The following SSR3 variants were observed in gnomAD, a reference collection of about 807,000 sequenced individuals.
SSR3 encodes the protein signal sequence receptor subunit 3.
Under a neutral mutation model 22.1 loss-of-function variants are expected in SSR3, and 10 were observed. The observed-to-expected ratio is 0.45, with a 90% confidence interval of 0.28 to 0.77. The LOEUF (loss-of-function observed/expected upper bound fraction) is 0.77. SSR3 is among the 30% of genes least tolerant of loss of function. SSR3 has a pLI of 0.13. For synonymous variants in SSR3, 104 were observed against 82.5 expected (o/e 1.26, Z -1.42); for missense variants, 181 against 220.5 (o/e 0.82, Z 1.13).
intron 2 of SSR3, among the ~76,000 whole-genome samples, chr3:156,549,913 A>G (rs1719890416): frequency 6.6e-6 from 1 of 152,192 alleles, no homozygotes; most frequent in Non-Finnish European, 1.5e-5. Flanking sequence ...TTTTTAAGAG[A>G]CACTTTAGGA....
chr3:156,544,690 G>C (rs573540155), intron 3 of SSR3, among the ~76,000 whole-genome samples: 2 of 152,288 alleles, frequency 1.3e-5, no homozygotes, highest in Admixed American at 6.5e-5. Flanking sequence ...CAGGGTTATG[G>C]AAGAAAGGAC....
intron 2 of SSR3, among the ~76,000 whole-genome samples, chr3:156,553,187 G>A (rs1362346685): frequency 6.6e-6 from 1 of 152,186 alleles, no homozygotes; most frequent in Non-Finnish European, 1.5e-5. Flanking sequence ...AGCCTGGGAA[G>A]GTTGAGGCTG....
At chr3:156,551,348 GAGTCTC>G (rs1235839696) in intron 2 of SSR3, 1 of 152,100 alleles carries the variant, frequency 6.6e-6, no homozygotes, top group Non-Finnish European at 1.5e-5. Flanking sequence ...AAAGAATGAC[GAGTCTC>G]AAAGGGACTG....
chr3:156,544,088 G>C (rs1719669000), intron 4 of SSR3: 4 of 414,932 alleles, frequency 9.6e-6, no homozygotes, highest in Non-Finnish European at 1.7e-5. Context: ...AGACTACTTT[G>C]TAATACTTTA....
At chr3:156,554,397 G>A (rs1302010533) in intron 1 of SSR3, among the ~76,000 whole-genome samples, 3 of 152,158 alleles carry the variant, frequency 2.0e-5, no homozygotes, top group Admixed American at 2.0e-4. Context: ...TCTAGAATTG[G>A]TCCAGTAGGA....
At chr3:156,549,707 G>A (rs539840747) in intron 2 of SSR3, among the ~76,000 whole-genome samples, 159 of 152,126 alleles carry the variant, frequency 1.0e-3, no homozygotes, top group Non-Finnish European at 2.1e-3. Flanking sequence ...AAAAGAAAAC[G>A]TTTAGTCAGT....
chr3:156,549,778 A>C (rs540668266), intron 2 of SSR3, among the ~76,000 whole-genome samples: 2 of 152,278 alleles, frequency 1.3e-5, no homozygotes, highest in East Asian at 1.9e-4. Flanking sequence ...GTTACCCCAC[A>C]CAAATTGGTA....
chr3:156,553,706 G>A lies in SSR3; in HGVS notation c.209C>T (p.Thr70Ile), dbSNP rs549968457. The A allele has an allele frequency of 6.2e-7, 1 of 1,612,596 alleles. No homozygotes were observed. The highest frequency in any genetic ancestry group is 1.3e-5 in the African/African-American group (1 of 74,988). ...CTTGTATGCAAAGGCTACCAAATAT[G>A]TGCTTACTAGGGTCATCACACTATA... is the stretch of plus-strand genomic sequence containing the variant. ...VLYSVMTLVS[T>I]YLVAFAYKNV... The change falls in exon 2 of 5, where the codon ACA becomes ATA. Residue 70 changes from threonine to isoleucine, a missense_variant. Transcript: ENST00000265044.
In SSR3 at chr3:156,540,596, ACG is replaced by A. The variant is rs1360411419; in HGVS notation, c.*2605_*2606del. ...ACTCCAGCCTGGGTGACAGAGCGAG[ACG>A]CTGTCTCAAAAAAAAAAAAAAAAAA... On this transcript the variant is annotated 3_prime_UTR_variant, in exon 5 of 5. Coordinates refer to ENST00000265044, the MANE Select transcript of SSR3 (RefSeq NM_007107.5). 3.5e-5 allele frequency: 3 copies of A among 85,078 alleles called. No individual in the cohort carries two copies. Among genetic ancestry groups the A allele is most frequent in the Admixed American group, 1.9e-4 (1 of 5,392 alleles). The allele number at this position is 85,078 out of a possible 1,614,324, so 5.3% of individuals were successfully genotyped here.
rs760967767 is a variant in SSR3 at position 156,543,201 on chromosome 3, G to A, written c.*2C>T. ...AAAGCCAGGGGGTGAAGCTGACATG[G>A]TCTATTTGGAGCCAGTAGACAGGAG... On this transcript the variant is annotated 3_prime_UTR_variant, in exon 5 of 5. Transcript: ENST00000265044. 88 of 1,613,360 alleles carry A rather than the reference G, an allele frequency of 5.5e-5. No individual in the cohort carries two copies. Among genetic ancestry groups the A allele is most frequent in the Non-Finnish European group, 7.4e-5 (87 of 1,179,782 alleles).
At position 156,541,300 on chromosome 3, in the gene SSR3, G is replaced by A. The variant is rs1435869117; in HGVS notation, c.*1903C>T. 6.6e-6 allele frequency: 1 copy of A among 152,046 alleles called. No individual in the cohort carries two copies. Among genetic ancestry groups the A allele is most frequent in the Non-Finnish European group, 1.5e-5 (1 of 68,006 alleles). The allele number at this position is 152,046 out of a possible 1,614,324, so 9.4% of individuals were successfully genotyped here. A position where few individuals can be genotyped will look rare whatever the true frequency, so the allele number is the denominator to read the frequency against. On this transcript the variant is annotated 3_prime_UTR_variant, in exon 5 of 5. Transcript: ENST00000265044. ...TGGCCCAACTCTGGTAACAAATAGT[G>A]GACACTGATGGTTTGTCAAATAAGC...
Position 156,545,994 on chromosome 3 carries a change from T to C in SSR3, c.360-1555A>G, listed in dbSNP as rs545300702. ...ACGTAGGTTATTAGGCTGACTTTAC[T>C]CTAGATGATAAAATTATCTCACTTG... On this transcript the variant is annotated intron_variant, in intron 3 of 4. Coordinates refer to ENST00000265044, the MANE Select transcript of SSR3 (RefSeq NM_007107.5). 2.6e-5 allele frequency among the ~76,000 whole-genome samples: 4 copies of C among 152,214 alleles called. 1 individual carries two copies. Among genetic ancestry groups the C allele is most frequent in the African/African-American group, 4.8e-5 (2 of 41,444 alleles).
chr3:156,551,607 C>T (rs2108449789), intron 2 of SSR3: 1 of 152,346 alleles, frequency 6.6e-6, no homozygotes, highest in East Asian at 1.9e-4. Flanking sequence ...GTGTCCAGAA[C>T]AGTAGGGAGG....
intron 3 of SSR3, 70 bp downstream of exon 3, chr3:156,548,835 A>AAAT (rs781077675): frequency 6.4e-7 from 1 of 1,572,622 alleles, no homozygotes; most frequent in South Asian, 1.2e-5. Flanking sequence ...AAATTCTTTA[A>AAAT]GCAAAAATCA....
Position 156,552,781 on chromosome 3 carries a change from G to C in SSR3, c.260+874C>G, listed in dbSNP as rs141594318. Among the ~76,000 whole-genome samples the C allele has an allele frequency of 4.4e-3, 670 of 152,280 alleles. 3 individuals carry two copies. Among genetic ancestry groups the C allele is most frequent in the African/African-American group, 0.015 (632 of 41,550 alleles). Reference sequence around the variant, plus strand: ...AAACAATTTATACCACTTCCAATGAGACAATGAGGACCATGACGCTGAGAA... The same window carrying C: ...AAACAATTTATACCACTTCCAATGACACAATGAGGACCATGACGCTGAGAA... On this transcript the variant is annotated intron_variant, in intron 2 of 4. Transcript: ENST00000265044.
chr3:156,546,653 C>T (rs74937764), intron 3 of SSR3, among the ~76,000 whole-genome samples: 2,023 of 152,302 alleles, frequency 0.013, 46 homozygotes, highest in African/African-American at 0.046. Context: ...TAGTAGAAGA[C>T]ATTTTCTTCC....
rs1426771928 is a variant in SSR3, at chr3:156,553,770, G to A, written c.145C>T (p.Arg49Ter). 3 of 1,608,460 alleles carry A rather than the reference G, an allele frequency of 1.9e-6. No individual in the cohort carries two copies. The highest frequency in any genetic ancestry group is 2.5e-6 in the Non-Finnish European group (3 of 1,177,538). Residue 49 changes from arginine (R) to a stop codon, truncating the protein, a stop_gained, in exon 2 of 5, where the codon CGA (arginine) becomes TGA (stop). Coordinates refer to ENST00000265044, the MANE Select transcript of SSR3 (RefSeq NM_007107.5). LOFTEE classifies it high-confidence loss of function. The stretch of plus-strand genomic sequence containing the variant: ...TGAATAAGATCCATATGCCATATTC[G>A]CCAGTATAACCCTGAATTAAAATAA... ...VSAIPIWLYW[R>*]IWHMDLIQSA...
chr3:156,547,783 C>A (rs1484429395), intron 3 of SSR3, among the ~76,000 whole-genome samples: 1 of 152,104 alleles, frequency 6.6e-6, no homozygotes, highest in Non-Finnish European at 1.5e-5. Context: ...AGATCCAGTG[C>A]CAGGAAAGTT....
chr3:156,549,258 T>G (rs758760285), intron 2 of SSR3, among the ~76,000 whole-genome samples: 25 of 152,190 alleles, frequency 1.6e-4, no homozygotes, highest in Non-Finnish European at 3.2e-4. Context: ...TTTCCACAGT[T>G]TAGGAATTAA....
Sources: allele counts gnomAD v4.1 joint callset (sites outside exome capture counted in the v4.1 genomes callset), GRCh38; gene constraint gnomAD v4.1.1; transcripts MANE v1.5; gene names NCBI Gene and HGNC (gene_info 2026-07-23, HGNC 2026-07-21).